The following POLI variants were observed in gnomAD, a reference collection of about 807,000 sequenced individuals.
POLI encodes DNA polymerase iota.
POLI carries 58 observed loss-of-function variants against 51.6 expected under a neutral mutation model. The observed-to-expected ratio is 1.12, with a 90% CI of 0.91 to 1.40. POLI has a LOEUF of 1.40. Among genes scored for constraint, POLI ranks in the 40% most tolerant of loss-of-function variants. The probability of loss-of-function intolerance (pLI) is 0.00; values close to 1 mark genes in which losing one functional copy is unlikely to be tolerated. For missense variants in POLI, 921 were observed against 871.3 expected (o/e 1.06, Z -0.72); for synonymous variants, 322 against 299.7 (o/e 1.07, Z -0.77).
intron 3 of POLI, among the ~76,000 whole-genome samples, chr18:54,307,247 A>G (rs114404591): frequency 0.021 from 3,241 of 152,284 alleles, 75 homozygotes; most frequent in African/African-American, 0.063. Context: ...ATTTCCCTCT[A>G]TAGACACACT....
At chr18:54,286,171 A>AT (rs1599210695) in intron 7 of POLI, among the ~76,000 whole-genome samples, 3 of 152,076 alleles carry the variant, frequency 2.0e-5, no homozygotes, top group South Asian at 2.1e-4. Flanking sequence ...GCCCAGAACT[A>AT]TTTTTTTCAG....
rs149133029 is a variant in POLI, at chr18:54,297,162, C to A, written c.*2695C>A. 3.0e-6 allele frequency: 3 copies of A among 985,382 alleles called. No individual in the cohort carries two copies. The highest frequency in any genetic ancestry group is 2.4e-6 in the Non-Finnish European group (2 of 829,912). The allele number at this position is 985,382 out of a possible 1,614,324, so 61.0% of individuals were successfully genotyped here. ...AGCCGAAGGTTTTGTCTCTGCAGGT[C>A]AATTCCAAACTAACAGGCAGATGCT... is the stretch of plus-strand genomic sequence containing the variant. On this transcript the variant is annotated 3_prime_UTR_variant, in exon 10 of 10. Transcript: ENST00000579534.
Position 54,294,795 on chromosome 18 carries a change from A to T in POLI, c.*328A>T. The T allele has an allele frequency of 3.0e-6, 3 of 986,808 alleles. No individual in the cohort carries two copies. In the South Asian group the frequency reaches 1.4e-4, roughly 46 times the overall value. The allele number at this position is 986,808 out of a possible 1,614,324, so 61.1% of individuals were successfully genotyped here. A position where few individuals can be genotyped will look rare whatever the true frequency, so the allele number is the denominator to read the frequency against. On this transcript the variant is annotated 3_prime_UTR_variant, in exon 10 of 10. Transcript: ENST00000579534. ...ATATAAAAAATAGCCAAATCGTTGCAATGATATGGTAAAGGACACATTTTT... is the reference window on the plus strand; with the variant it reads ...ATATAAAAAATAGCCAAATCGTTGCTATGATATGGTAAAGGACACATTTTT...
At chr18:54,288,046 G>A (rs2087827227) in intron 8 of POLI, among the ~76,000 whole-genome samples, 1 of 152,168 alleles carries the variant, frequency 6.6e-6, no homozygotes, top group Non-Finnish European at 1.5e-5. Flanking sequence ...TTTATCTTGG[G>A]TAGATTTCAA....
chr18:54,309,705 G>GCTCCT (rs2088641739), intron 3 of POLI, among the ~76,000 whole-genome samples: 1 of 152,186 alleles, frequency 6.6e-6, no homozygotes, highest in African/African-American at 2.4e-5. Flanking sequence ...ACAGAGGCAG[G>GCTCCT]CAGGCCTCAT....
intron 3 of POLI, among the ~76,000 whole-genome samples, chr18:54,304,514 A>G (rs1464459161): frequency 6.6e-6 from 1 of 152,250 alleles, no homozygotes; most frequent in East Asian, 1.9e-4. Context: ...ATGACCAGTG[A>G]TGATGAGCAT....
chr18:54,295,556 A>C lies in POLI; in HGVS notation c.*1089A>C, dbSNP rs1458301127. The C allele has an allele frequency of 1.2e-6, 1 of 826,328 alleles. No homozygotes were observed. The highest frequency in any genetic ancestry group is 1.2e-4 in the East Asian group (1 of 8,026). The allele number at this position is 826,328 out of a possible 1,614,324, so 51.2% of individuals were successfully genotyped here. On this transcript the variant is annotated 3_prime_UTR_variant, in exon 10 of 10. Transcript: ENST00000579534. ...CATATAATCTAAAGAAGAGACTTTA[A>C]AAATAAAGTACACAAATATGAACCA...
intron 3 of POLI, among the ~76,000 whole-genome samples, chr18:54,308,442 G>A (rs1398017103): frequency 2.0e-5 from 3 of 152,172 alleles, no homozygotes; most frequent in Admixed American, 6.5e-5. Flanking sequence ...AATTTCTGCC[G>A]AGCGATCCGC....
chr18:54,316,959 T>C (rs2088740953), intron 3 of POLI, among the ~76,000 whole-genome samples: 1 of 152,310 alleles, frequency 6.6e-6, no homozygotes, highest in East Asian at 1.9e-4. Flanking sequence ...AATTACTAAA[T>C]TGGAGAGTAG....
downstream of POLI, among the ~76,000 whole-genome samples, chr18:54,301,986 C>G (rs2088499911): frequency 2.0e-5 from 3 of 152,168 alleles, no homozygotes; most frequent in South Asian, 6.2e-4. Flanking sequence ...TGTATAGTCT[C>G]TCTTGAAGTT....
At chr18:54,276,855 C>T (rs2087265127) in intron 3 of POLI, among the ~76,000 whole-genome samples, 1 of 152,148 alleles carries the variant, frequency 6.6e-6, no homozygotes, top group African/African-American at 2.4e-5. Context: ...CCTTTTATTT[C>T]TGAGCTTCAG....
intron 8 of POLI, among the ~76,000 whole-genome samples, chr18:54,290,379 TG>T (rs1211827767): frequency 6.6e-6 from 1 of 152,216 alleles, no homozygotes; most frequent in Admixed American, 6.5e-5. Flanking sequence ...ACACTGTTGG[TG>T]GGAGTGTAAA....
Position 54,293,686 on chromosome 18 carries a change from A to C in POLI, c.1442A>C (p.Asp481Ala). ...KDTHMEDFPK[D>A]KETNRDFLPS... is the part of the protein sequence containing the mutation. ...ACTCATATGGAAGATTTTCCCAAAG[A>C]CAAAGAAACAAACCGGGATTTCCTA... The change falls in exon 10 of 10, where the codon GAC becomes GCC. Residue 481 changes from aspartate to alanine, a missense_variant. Coordinates refer to ENST00000579534, the MANE Select transcript of POLI (RefSeq NM_007195.3). The C allele has an allele frequency of 6.3e-7, 1 of 1,588,692 alleles. No homozygotes were observed.
At chr18:54,269,480 G>C, upstream of POLI, 1 of 1,483,984 alleles carries the variant, frequency 6.7e-7, no homozygotes, top group Non-Finnish European at 8.9e-7. Flanking sequence ...GGAGACTGTA[G>C]TCCCCCGGTT....
chr18:54,293,550 T>C, intron 9 of POLI, 99 bp from the exon 10 acceptor site: 2 of 807,620 alleles, frequency 2.5e-6, no homozygotes, highest in Non-Finnish European at 3.8e-6. Context: ...GTTGAGTAGG[T>C]TAGAAACATG....
At chr18:54,303,151 A>G (rs1195384953), downstream of POLI, among the ~76,000 whole-genome samples, 1 of 152,204 alleles carries the variant, frequency 6.6e-6, no homozygotes, top group African/African-American at 2.4e-5. Context: ...AGAAGCTCTC[A>G]TGGTAGGACA....
chr18:54,287,795 CA>C (rs1316018634), intron 8 of POLI: 1 of 155,126 alleles, frequency 6.4e-6, no homozygotes, highest in Non-Finnish European at 1.4e-5. Flanking sequence ...TGAGCTCAAG[CA>C]ATCCTTCTGC....
intron 8 of POLI, among the ~76,000 whole-genome samples, chr18:54,290,249 T>C (rs1337544366): frequency 3.9e-5 from 6 of 152,330 alleles, no homozygotes; most frequent in Non-Finnish European, 7.3e-5. Flanking sequence ...TGCTGGTCAT[T>C]AGAGAAATAC....
At chr18:54,303,466 G>A (rs1467201456) in intron 3 of POLI, among the ~76,000 whole-genome samples, 1 of 151,952 alleles carries the variant, frequency 6.6e-6, no homozygotes, top group Non-Finnish European at 1.5e-5. Context: ...TATTTGGTGG[G>A]GGACTATAAT....
Sources: allele counts gnomAD v4.1 joint callset (sites outside exome capture counted in the v4.1 genomes callset), GRCh38; gene constraint gnomAD v4.1.1; transcripts MANE v1.5; gene names NCBI Gene and HGNC (gene_info 2026-07-23, HGNC 2026-07-21).